Variants in PACSIN2 observed in about 807,000 individuals in gnomAD.
PACSIN2 encodes the protein protein kinase C and casein kinase substrate in neurons 2, also known as protein kinase C and casein kinase substrate in neurons protein 2.
PACSIN2 carries 25 observed loss-of-function variants against 63.8 expected under a neutral mutation model. That is an observed-to-expected ratio of 0.39 (90% CI 0.29 to 0.55). The LOEUF (loss-of-function observed/expected upper bound fraction) is 0.55. Among genes scored for constraint, PACSIN2 ranks in the 20% least tolerant of loss-of-function variants. The pLI is 0.62. For missense variants in PACSIN2, 518 were observed against 646.9 expected, an observed-to-expected ratio of 0.80 and a Z score of 2.16; for synonymous variants, 255 against 256.2, an observed-to-expected ratio of 1.00 and a Z score of 0.05.
At chr22:42,923,180 T>C (rs1190457843) in intron 1 of PACSIN2, among the ~76,000 whole-genome samples, 5 of 152,328 alleles carry the variant, frequency 3.3e-5, no homozygotes, top group African/African-American at 9.6e-5. Flanking sequence ...TGAGAACATA[T>C]TCATTTCATA....
At chr22:42,971,295 C>T (rs1170694583) in intron 1 of PACSIN2, among the ~76,000 whole-genome samples, 3 of 152,134 alleles carry the variant, frequency 2.0e-5, no homozygotes, top group East Asian at 3.9e-4. Flanking sequence ...CCGTGTTGGC[C>T]GGGCTGGTCT....
chr22:42,994,174 T>A (rs1231180683), intron 1 of PACSIN2, among the ~76,000 whole-genome samples: 1 of 152,174 alleles, frequency 6.6e-6, no homozygotes, highest in Non-Finnish European at 1.5e-5. Context: ...AGGGAAACTT[T>A]GGGTAAAATG....
intron 1 of PACSIN2, among the ~76,000 whole-genome samples, chr22:42,941,881 A>G (rs542118973): frequency 1.5e-4 from 23 of 152,072 alleles, no homozygotes; most frequent in Non-Finnish European, 2.9e-4. Context: ...GGTTCAAGCG[A>G]TTCTCCTGCC....
At chr22:42,953,307 A>G (rs1035152696) in intron 1 of PACSIN2, among the ~76,000 whole-genome samples, 9 of 152,198 alleles carry the variant, frequency 5.9e-5, no homozygotes, top group Admixed American at 1.3e-4. Flanking sequence ...GTGAAAAAAA[A>G]ATGCAATGGA....
chr22:42,947,026 C>T (rs1278776491), intron 1 of PACSIN2: 4 of 152,382 alleles, frequency 2.6e-5, no homozygotes, highest in Admixed American at 1.3e-4. Context: ...TCAGAGGCAC[C>T]TGCCCAGTGG....
chr22:42,914,097 G>C (rs112389510), intron 1 of PACSIN2, among the ~76,000 whole-genome samples: 3,411 of 152,316 alleles, frequency 0.022, 122 homozygotes, highest in African/African-American at 0.079. Context: ...GGCTCTCATG[G>C]AGAGAACTCC....
At chr22:42,919,772 CAAAA>C (rs761464603) in intron 1 of PACSIN2, among the ~76,000 whole-genome samples, 4 of 48,792 alleles carry the variant, frequency 8.2e-5, no homozygotes, top group South Asian at 8.3e-4. Flanking sequence ...GAACCTGTCT[CAAAA>C]AAAAAAAAAA....
rs531927429 is a variant in PACSIN2 at position 42,880,798 on chromosome 22, T to C, written c.906+1386A>G. Among the ~76,000 whole-genome samples the C allele has an allele frequency of 8.0e-5, 12 of 149,240 alleles. No homozygotes were observed. In the East Asian group the frequency reaches 1.4e-3, roughly 17 times the overall value. ...ACCCTCCAGGAGACAGACTGTCAAA[T>C]AGTCCTCCCCACTGTGCCCCTCTTT... is the stretch of plus-strand genomic sequence containing the variant. On this transcript the variant is annotated intron_variant, in intron 7 of 10. Coordinates refer to ENST00000263246, the MANE Select transcript of PACSIN2 (RefSeq NM_001184970.3).
rs1279730138 is a variant in PACSIN2, at chr22:42,983,469, AAC to A, written c.-78+31550_-78+31551del. ...TGTGCCACTGCACTCCAGCCTGGAC[AAC>A]AGAGTGAGACTCCATCTCAAAAAAA... On this transcript the variant is annotated intron_variant, in intron 1 of 10. Coordinates refer to ENST00000263246, the MANE Select transcript of PACSIN2 (RefSeq NM_001184970.3). 2.1e-5 allele frequency among the ~76,000 whole-genome samples: 3 copies of A among 140,284 alleles called. No individual in the cohort carries two copies. The East Asian group carries it at 7.1e-4, about 33-fold the overall frequency. The allele number at this position is 140,284 out of a possible 152,430, so 92.0% of individuals were successfully genotyped here.
At chr22:42,972,274 C>T (rs199966964) in intron 1 of PACSIN2, among the ~76,000 whole-genome samples, 4 of 152,216 alleles carry the variant, frequency 2.6e-5, no homozygotes, top group East Asian at 3.9e-4. Flanking sequence ...GGGCGGTGCA[C>T]GATGTGCTTT....
chr22:42,913,575 C>G (rs970570027), intron 1 of PACSIN2, among the ~76,000 whole-genome samples: 9 of 151,026 alleles, frequency 6.0e-5, no homozygotes, highest in African/African-American at 2.2e-4. Flanking sequence ...TAGAACAATA[C>G]TTGGCCCTTA....
intron 1 of PACSIN2, among the ~76,000 whole-genome samples, chr22:42,968,815 C>T (rs1921029593): frequency 6.6e-6 from 1 of 152,184 alleles, no homozygotes; most frequent in Admixed American, 6.5e-5. Flanking sequence ...AGCTTGCCAG[C>T]CTTTGGACTC....
intron 2 of PACSIN2, among the ~76,000 whole-genome samples, chr22:42,906,076 C>T (rs891004088): frequency 9.9e-5 from 15 of 152,264 alleles, no homozygotes; most frequent in Admixed American, 2.0e-4. Context: ...GGCAGCAGTG[C>T]TGAAAACTGT....
intron 1 of PACSIN2, among the ~76,000 whole-genome samples, chr22:42,922,118 A>G: frequency 6.6e-6 from 1 of 152,218 alleles, no homozygotes; most frequent in Middle Eastern, 3.2e-3. Flanking sequence ...CTCAGATTCC[A>G]GTGACTTCTG....
chr22:42,878,838 C>T (rs187528082), intron 8 of PACSIN2, among the ~76,000 whole-genome samples: 3 of 150,068 alleles, frequency 2.0e-5, no homozygotes, highest in Admixed American at 6.6e-5. Context: ...GGCAGGAAGA[C>T]GACCTTCCCT....
At chr22:42,905,183 C>T (rs900956778) in intron 2 of PACSIN2, among the ~76,000 whole-genome samples, 2 of 152,220 alleles carry the variant, frequency 1.3e-5, no homozygotes, top group Non-Finnish European at 2.9e-5. Flanking sequence ...ATTCCCTCAA[C>T]GCAAAAACCA....
At chr22:42,962,932 G>C (rs2146853688) in intron 1 of PACSIN2, among the ~76,000 whole-genome samples, 1 of 152,304 alleles carries the variant, frequency 6.6e-6, no homozygotes, top group South Asian at 2.1e-4. Context: ...AGGAAACGTG[G>C]ACTATGGCAG....
intron 1 of PACSIN2, among the ~76,000 whole-genome samples, chr22:42,949,231 G>A (rs1490959934): frequency 6.6e-6 from 1 of 152,186 alleles, no homozygotes; most frequent in Non-Finnish European, 1.5e-5. Context: ...CACAGAGTAG[G>A]AATTTAAATG....
intron 1 of PACSIN2, among the ~76,000 whole-genome samples, chr22:42,962,835 AG>A (rs1920927850): frequency 1.3e-5 from 2 of 149,016 alleles, no homozygotes. Context: ...TAGTGGGACT[AG>A]GAAGTCATCA....
Sources: allele counts gnomAD v4.1 joint callset (sites outside exome capture counted in the v4.1 genomes callset), GRCh38; gene constraint gnomAD v4.1.1; transcripts MANE v1.5; gene names NCBI Gene and HGNC (gene_info 2026-07-23, HGNC 2026-07-21).